BNC2: variants seen among roughly 807,000 people sequenced by gnomAD.
The protein encoded by BNC2 is basonuclin zinc finger protein 2.
A neutral mutation model predicts 76.3 loss-of-function variants in BNC2; 20 were observed. The observed-to-expected ratio is 0.26, with a 90% CI of 0.18 to 0.38. The LOEUF is 0.38. Among genes scored for constraint, BNC2 ranks in the 10% least tolerant of loss-of-function variants. BNC2 has a pLI of 1.00. For synonymous variants in BNC2, 582 were observed against 514.8 expected, an observed-to-expected ratio of 1.13 and a Z score of -1.77; for missense variants, 1,382 against 1,399.8, an observed-to-expected ratio of 0.99 and a Z score of 0.20.
At chr9:16,769,563 G>C (rs1825780953) in intron 1 of BNC2, among the ~76,000 whole-genome samples, 1 of 152,146 alleles carries the variant, frequency 6.6e-6, no homozygotes, top group South Asian at 2.1e-4. Context: ...AGGCCATGCA[G>C]CTTAAAGGAT....
chr9:16,681,635 A>G (rs1166373854), intron 3 of BNC2, among the ~76,000 whole-genome samples: 2 of 152,050 alleles, frequency 1.3e-5, no homozygotes, highest in African/African-American at 4.8e-5. Context: ...TGACTACTAC[A>G]CTTATTCTCT....
intron 5 of BNC2, among the ~76,000 whole-genome samples, chr9:16,457,684 G>C (rs566198783): frequency 1.3e-5 from 2 of 152,172 alleles, no homozygotes; most frequent in Admixed American, 1.3e-4. Context: ...ATTCCCAGAA[G>C]GAAAGCGCGT....
intron 5 of BNC2, among the ~76,000 whole-genome samples, chr9:16,514,641 T>C (rs972572759): frequency 5.9e-5 from 9 of 152,220 alleles, no homozygotes; most frequent in African/African-American, 1.4e-4. Flanking sequence ...CAAATTTCAG[T>C]TGTCCTCCCA....
intron 5 of BNC2, among the ~76,000 whole-genome samples, chr9:16,488,575 T>G (rs1403187217): frequency 1.3e-5 from 2 of 152,232 alleles, no homozygotes; most frequent in Non-Finnish European, 1.5e-5. Context: ...GATCTTTTCA[T>G]GCACTAAAAT....
intron 3 of BNC2, among the ~76,000 whole-genome samples, chr9:16,686,241 A>T (rs1476166212): frequency 6.6e-6 from 1 of 152,158 alleles, no homozygotes; most frequent in Non-Finnish European, 1.5e-5. Context: ...TGTCCTAATA[A>T]TAAAAAAACA....
At chr9:16,438,828 C>T (rs1229695335) in intron 5 of BNC2, among the ~76,000 whole-genome samples, 2 of 152,120 alleles carry the variant, frequency 1.3e-5, no homozygotes, top group Non-Finnish European at 2.9e-5. Context: ...ATCACGCCAT[C>T]ATGTTCCGCT....
At chr9:16,685,724 T>A (rs1383219002) in intron 3 of BNC2, 7 of 740,354 alleles carry the variant, frequency 9.5e-6, no homozygotes, top group Non-Finnish European at 1.5e-5. Context: ...AAATCCCAAC[T>A]GCGGGTCTCT....
chr9:16,493,440 A>G (rs1029328936), intron 5 of BNC2, among the ~76,000 whole-genome samples: 8 of 152,232 alleles, frequency 5.3e-5, no homozygotes, highest in Non-Finnish European at 1.2e-4. Flanking sequence ...CAACTCATTC[A>G]TTCAGAGCTG....
intron 3 of BNC2, among the ~76,000 whole-genome samples, chr9:16,670,103 T>C (rs935839109): frequency 6.6e-5 from 10 of 152,220 alleles, no homozygotes; most frequent in African/African-American, 2.4e-4. Context: ...GTACTATTTT[T>C]AGTTTTTCCT....
chr9:16,421,228 C>A (rs1047948093), intron 6 of BNC2: 2 of 1,280,610 alleles, frequency 1.6e-6, no homozygotes, highest in African/African-American at 3.1e-5. Context: ...GGGCAGCAGC[C>A]CTCTCCAACT....
chr9:16,732,505 C>A (rs919504479), intron 2 of BNC2, among the ~76,000 whole-genome samples: 35 of 152,114 alleles, frequency 2.3e-4, no homozygotes, highest in African/African-American at 8.4e-4. Flanking sequence ...AAATCCTGCA[C>A]AAATATAAAA....
At chr9:16,753,624 G>C (rs1825286606) in intron 1 of BNC2, among the ~76,000 whole-genome samples, 1 of 152,062 alleles carries the variant, frequency 6.6e-6, no homozygotes, top group Admixed American at 6.6e-5. Context: ...ACTGCCAACG[G>C]GTAAGTCTTA....
At chr9:16,604,541 A>G (rs1224963843) in intron 3 of BNC2, among the ~76,000 whole-genome samples, 10 of 152,202 alleles carry the variant, frequency 6.6e-5, no homozygotes, top group Admixed American at 6.5e-4. Context: ...TCATGCCTGT[A>G]ACCCCAGCAC....
rs910180562 is a variant in BNC2 at position 16,752,942 on chromosome 9, T to C, written c.4-14457A>G. ...CAGTTATGATTCTGGATGCACAGTTTAATATGATTAAAACTTACAGAACTG... is the reference window on the plus strand; with the variant it reads ...CAGTTATGATTCTGGATGCACAGTTCAATATGATTAAAACTTACAGAACTG... On this transcript the variant is annotated intron_variant, in intron 1 of 6. Coordinates refer to ENST00000380672, the MANE Select transcript of BNC2 (RefSeq NM_017637.6). Among the ~76,000 whole-genome samples the C allele has an allele frequency of 2.0e-5, 3 of 152,206 alleles. No homozygotes were observed. The East Asian group carries it at 5.8e-4, about 29-fold the overall frequency.
At chr9:16,850,638 G>A (rs1819106385) in intron 1 of BNC2, among the ~76,000 whole-genome samples, 1 of 152,136 alleles carries the variant, frequency 6.6e-6, no homozygotes, top group Admixed American at 6.5e-5. Flanking sequence ...GGAAGGTGAA[G>A]GTGGAAGGAT....
intron 5 of BNC2, among the ~76,000 whole-genome samples, chr9:16,541,224 A>T (rs543102719): frequency 6.6e-6 from 1 of 152,360 alleles, no homozygotes; most frequent in South Asian, 2.1e-4. Flanking sequence ...CAGAGAATCA[A>T]TGGACAGAGG....
rs139823578 is a variant in BNC2 at position 16,418,664 on chromosome 9, C to CTGTGTGTGTGTGTGTG, written c.*309_*324dup. ...TGTCAAAACTGGGGCTAGTTGCACA[C>CTGTGTGTGTGTGTGTG]TGTGTGTGTGTGTGTGTGTGTGTGT... On this transcript the variant is annotated 3_prime_UTR_variant, in exon 7 of 7. Transcript: ENST00000380672. 9 of 214,740 alleles carry CTGTGTGTGTGTGTGTG rather than the reference C, an allele frequency of 4.2e-5. No individual in the cohort carries two copies. Among genetic ancestry groups the CTGTGTGTGTGTGTGTG allele is most frequent in the African/African-American group, 7.4e-5 (3 of 40,662 alleles). The allele number at this position is 214,740 out of a possible 1,614,324, so 13.3% of individuals were successfully genotyped here.
chr9:16,514,650 C>G (rs553125432), intron 5 of BNC2, among the ~76,000 whole-genome samples: 65 of 152,266 alleles, frequency 4.3e-4, no homozygotes, highest in Non-Finnish European at 7.2e-4. Context: ...GTTGTCCTCC[C>G]ACCAACAGGT....
At chr9:16,725,063 A>C (rs926098611) in intron 3 of BNC2, among the ~76,000 whole-genome samples, 1 of 152,170 alleles carries the variant, frequency 6.6e-6, no homozygotes, top group African/African-American at 2.4e-5. Flanking sequence ...ATGCCTCAGC[A>C]ATGAGATGTA....
Sources: allele counts gnomAD v4.1 joint callset (sites outside exome capture counted in the v4.1 genomes callset), GRCh38; gene constraint gnomAD v4.1.1; transcripts MANE v1.5; gene names NCBI Gene and HGNC (gene_info 2026-07-23, HGNC 2026-07-21).